The following CACNG4 variants were observed in gnomAD, a reference collection of about 807,000 sequenced individuals.
CACNG4 encodes the protein calcium voltage-gated channel auxiliary subunit gamma 4.
Under a neutral mutation model 22.9 loss-of-function variants are expected in CACNG4, and 8 were observed. The observed-to-expected ratio is 0.35, with a 90% CI of 0.21 to 0.63. CACNG4 has a LOEUF of 0.63. CACNG4 is among the 30% of genes least tolerant of loss of function. The probability of loss-of-function intolerance (pLI) is 0.72; values close to 1 mark genes in which losing one functional copy is unlikely to be tolerated. For missense variants in CACNG4, 357 were observed against 455.4 expected (o/e 0.78, Z 1.97); for synonymous variants, 188 against 191.9 (o/e 0.98, Z 0.17).
At chr17:66,997,339 C>A (rs559373486) in intron 1 of CACNG4, among the ~76,000 whole-genome samples, 1 of 152,214 alleles carries the variant, frequency 6.6e-6, no homozygotes, top group South Asian at 2.1e-4. Context: ...GTCAAGACGC[C>A]CTCCAGTGAG....
chr17:66,973,514 G>C (rs138870596), intron 1 of CACNG4, among the ~76,000 whole-genome samples: 1 of 152,324 alleles, frequency 6.6e-6, no homozygotes, highest in South Asian at 2.1e-4. Flanking sequence ...CTGTGGGGCT[G>C]CCTGGCTGGG....
Position 67,030,825 on chromosome 17 carries a change from A to C in CACNG4, c.805A>C (p.Ile269Leu), listed in dbSNP as rs1049519654. The change falls in exon 4 of 4, where the codon ATC becomes CTC. Residue 269 changes from isoleucine (I) to leucine (L), a missense_variant. Ile to Leu is a conservative substitution (Grantham distance 5, BLOSUM62 2). Transcript: ENST00000262138. This position sits in a 1 kb window ranked among gnomAD's most constrained non-coding sequence, Gnocchi z 6.4. ...CATGGGCCTGAAGATCACAGGGGCCATCCCCATGGGGGAGCTGTCCATGTA... is the reference window on the plus strand; with the variant it reads ...CATGGGCCTGAAGATCACAGGGGCCCTCCCCATGGGGGAGCTGTCCATGTA... ...SPMGLKITGA[I>L]PMGELSMYTL... 1 of 1,613,980 alleles carries C rather than the reference A, an allele frequency of 6.2e-7. No homozygotes were observed. Among genetic ancestry groups the C allele is most frequent in the Non-Finnish European group, 8.5e-7 (1 of 1,180,000 alleles).
intron 3 of CACNG4, among the ~76,000 whole-genome samples, chr17:67,026,069 G>T (rs1473926112): frequency 6.6e-6 from 1 of 152,042 alleles, no homozygotes; most frequent in Non-Finnish European, 1.5e-5. Context: ...GTATGTGTGT[G>T]TTTGAGGACT....
intron 1 of CACNG4, among the ~76,000 whole-genome samples, chr17:66,997,620 C>T (rs1205405197): frequency 1.3e-5 from 2 of 152,126 alleles, no homozygotes; most frequent in Non-Finnish European, 2.9e-5. Context: ...AGTTCGAGAC[C>T]AGCCTGGCCA....
intron 1 of CACNG4, among the ~76,000 whole-genome samples, chr17:66,994,147 A>G (rs2035359181): frequency 6.6e-6 from 1 of 152,110 alleles, no homozygotes; most frequent in Non-Finnish European, 1.5e-5. Context: ...CCTGGGCAAC[A>G]TGGTGAAACC....
rs1307871643 is a variant in CACNG4 at position 66,984,268 on chromosome 17, C to T, written c.220+19137C>T. ...TGGTGGTGCACACCTTTAGCCCTAG[C>T]TACACAGGAGGCTGAGGTGGGAGGA... On this transcript the variant is annotated intron_variant, in intron 1 of 3. Coordinates refer to ENST00000262138, the MANE Select transcript of CACNG4 (RefSeq NM_014405.4). The surrounding 1 kb of genome is among the most constrained non-coding windows in gnomAD (Gnocchi z 4.0). Among the ~76,000 whole-genome samples the T allele has an allele frequency of 6.6e-6, 1 of 152,178 alleles. No homozygotes were observed. Among genetic ancestry groups the T allele is most frequent in the Non-Finnish European group, 1.5e-5 (1 of 68,034 alleles).
Position 67,032,398 on chromosome 17 carries a change from T to C in CACNG4, c.*1394T>C, listed in dbSNP as rs1046987044. On this transcript the variant is annotated 3_prime_UTR_variant, in exon 4 of 4. Coordinates refer to ENST00000262138, the MANE Select transcript of CACNG4 (RefSeq NM_014405.4). ...AAAACATGTGCTTTCTAAAGAAAAATTGTTTCTTATTTTTTGAGACTCCTT... is the reference window on the plus strand; with the variant it reads ...AAAACATGTGCTTTCTAAAGAAAAACTGTTTCTTATTTTTTGAGACTCCTT... The C allele has an allele frequency of 1.0e-5, 2 of 197,658 alleles. No homozygotes were observed. Among genetic ancestry groups the C allele is most frequent in the African/African-American group, 4.7e-5 (2 of 42,342 alleles). 12.2% of individuals were successfully genotyped at this position (197,658 alleles called of 1,614,324 possible).
At chr17:67,011,884 C>T (rs2035470544) in intron 1 of CACNG4, among the ~76,000 whole-genome samples, 7 of 152,160 alleles carry the variant, frequency 4.6e-5, no homozygotes, top group Admixed American at 3.9e-4. Context: ...TCCCTGGCTT[C>T]CACAGCCCCA....
chr17:66,975,783 G>A (rs1263565332), intron 1 of CACNG4, among the ~76,000 whole-genome samples: 3 of 152,244 alleles, frequency 2.0e-5, no homozygotes, highest in Admixed American at 2.0e-4. Context: ...GTTCTGAATG[G>A]CTCCTGTGAA....
At chr17:66,985,159 T>C (rs903112358) in intron 1 of CACNG4, among the ~76,000 whole-genome samples, 2 of 152,182 alleles carry the variant, frequency 1.3e-5, no homozygotes, top group African/African-American at 4.8e-5. Flanking sequence ...TCATCCTGCC[T>C]TATCTGTTTC....
chr17:66,985,467 G>C (rs1377480549), intron 1 of CACNG4, among the ~76,000 whole-genome samples: 1 of 152,180 alleles, frequency 6.6e-6, no homozygotes, highest in Non-Finnish European at 1.5e-5. Flanking sequence ...TGTGATGTTA[G>C]AGTGTCATTT....
At position 67,027,149 on chromosome 17, in the gene CACNG4, G is replaced by A. The variant is rs2035573060; in HGVS notation, c.445+2149G>A. ...ACACAGGCGGTCCAGCAGCTCAGGT[G>A]GCTTCCTTGAAGTCACACGCACAGT... On this transcript the variant is annotated intron_variant, in intron 3 of 3. Transcript: ENST00000262138. The surrounding 1 kb of genome is among the most constrained non-coding windows in gnomAD (Gnocchi z 4.3). 6.6e-6 allele frequency among the ~76,000 whole-genome samples: 1 copy of A among 152,160 alleles called. No homozygotes were observed. The highest frequency in any genetic ancestry group is 2.4e-5 in the African/African-American group (1 of 41,438).
chr17:66,994,142 G>A (rs1598110781), intron 1 of CACNG4, among the ~76,000 whole-genome samples: 1 of 152,044 alleles, frequency 6.6e-6, no homozygotes, highest in African/African-American at 2.4e-5. Flanking sequence ...ACCAGCCTGG[G>A]CAACATGGTG....
chr17:67,030,855 C>T lies in CACNG4; in HGVS notation c.835C>T (p.Leu279=). ...CATGGGGGAGCTGTCCATGTACACG[C>T]TGTCCAGGGAGCCCCTCAAGGTGAC... ...IPMGELSMYT[L]SREPLKVTTA... Residue 279 remains leucine (L), a synonymous_variant, in exon 4 of 4, where the codon CTG becomes TTG. Coordinates refer to ENST00000262138, the MANE Select transcript of CACNG4 (RefSeq NM_014405.4). This position sits in a 1 kb window ranked among gnomAD's most constrained non-coding sequence, Gnocchi z 6.4. 1 of 1,613,550 alleles carries T rather than the reference C, an allele frequency of 6.2e-7. No individual in the cohort carries two copies. The highest frequency in any genetic ancestry group is 8.5e-7 in the Non-Finnish European group (1 of 1,180,026).
intron 1 of CACNG4, among the ~76,000 whole-genome samples, chr17:66,999,827 G>A (rs2035397481): frequency 6.6e-6 from 1 of 152,222 alleles, no homozygotes; most frequent in Admixed American, 6.5e-5. Context: ...AAAAGCCAGA[G>A]CAACTGTGAT....
At chr17:66,973,907 C>T (rs141928294) in intron 1 of CACNG4, among the ~76,000 whole-genome samples, 1 of 152,318 alleles carries the variant, frequency 6.6e-6, no homozygotes, top group Non-Finnish European at 1.5e-5. Flanking sequence ...GGAAGTGCTG[C>T]GCGAGACTCT....
chr17:66,987,720 G>T (rs2035312828), intron 1 of CACNG4, among the ~76,000 whole-genome samples: 2 of 152,172 alleles, frequency 1.3e-5, no homozygotes, highest in African/African-American at 2.4e-5. Flanking sequence ...GTCCAAGGAA[G>T]AGGGGGCGAA....
intron 1 of CACNG4, among the ~76,000 whole-genome samples, chr17:66,979,152 C>T (rs1324054156): frequency 1.3e-5 from 2 of 152,246 alleles, no homozygotes; most frequent in African/African-American, 4.8e-5. Flanking sequence ...GTGTGAGCAT[C>T]CTCTGCAACC....
intron 2 of CACNG4, among the ~76,000 whole-genome samples, chr17:67,024,046 G>T (rs984089276): frequency 7.2e-5 from 11 of 152,148 alleles, no homozygotes; most frequent in Non-Finnish European, 1.5e-4. Flanking sequence ...GCTAATCAGT[G>T]GCAGAGCGAG....
Sources: gnomAD v4.1 joint callset for allele counts (sites outside exome capture counted in the v4.1 genomes callset) on GRCh38, gnomAD v4.1.1 for gene constraint, Gnocchi (gnomAD v3.1) non-coding constraint, MANE v1.5 for transcripts, NCBI Gene and HGNC (gene_info 2026-07-23, HGNC 2026-07-21) for gene names.